The following LONP2 variants were observed in gnomAD, a reference collection of about 807,000 sequenced individuals.
The protein encoded by LONP2 is lon peptidase 2, peroxisomal.
LONP2 carries 60 observed loss-of-function variants against 85.6 expected under a neutral mutation model. That is an observed-to-expected ratio of 0.70 (90% confidence interval 0.57 to 0.87). The LOEUF (loss-of-function observed/expected upper bound fraction) is 0.87, where lower values mean the gene tolerates loss of function less well. Ranked by LOEUF, LONP2 falls within the 40% of genes least tolerant of loss-of-function variation. The pLI, the probability that LONP2 is intolerant of heterozygous loss-of-function variation, is 0.00. For synonymous variants in LONP2, 395 were observed against 389.7 expected (o/e 1.01, Z -0.16); for missense variants, 860 against 1,063.5 (o/e 0.81, Z 2.66).
chr16:48,265,580 G>A (rs1183705744), intron 6 of LONP2, among the ~76,000 whole-genome samples: 5 of 152,036 alleles, frequency 3.3e-5, no homozygotes, highest in African/African-American at 4.8e-5. Flanking sequence ...CCATTGGTCC[G>A]TGTGTCTGTT....
chr16:48,304,934 A>G (rs971730231), intron 11 of LONP2, among the ~76,000 whole-genome samples: 1 of 152,236 alleles, frequency 6.6e-6, no homozygotes, highest in Non-Finnish European at 1.5e-5. Context: ...TTAAAGAACC[A>G]TAATTTATGG....
At chr16:48,314,607 T>G (rs1973103249) in intron 11 of LONP2, among the ~76,000 whole-genome samples, 1 of 152,120 alleles carries the variant, frequency 6.6e-6, no homozygotes, top group Non-Finnish European at 1.5e-5. Flanking sequence ...AACAGACACA[T>G]AGACCAATAG....
At chr16:48,259,735 C>T (rs776601822) in intron 4 of LONP2, among the ~76,000 whole-genome samples, 108 of 152,078 alleles carry the variant, frequency 7.1e-4, no homozygotes, top group Non-Finnish European at 8.8e-4. Context: ...ATCATGCTGG[C>T]GATTAGTACT....
rs1396443209 is a variant in LONP2 at position 48,322,904 on chromosome 16, C to A, written c.1796-11312C>A. Among the ~76,000 whole-genome samples, 3 of 152,300 alleles carry A rather than the reference C, an allele frequency of 2.0e-5. No individual in the cohort carries two copies. In the East Asian group the frequency reaches 5.8e-4, roughly 29 times the overall value. On this transcript the variant is annotated intron_variant, in intron 11 of 14. Coordinates refer to ENST00000285737, the MANE Select transcript of LONP2 (RefSeq NM_031490.5). ...ACCACAAAGATTTGGGTAATGCATT[C>A]CATTGCCCTAACGGGGCTACAACAT...
At chr16:48,248,885 GAA>G (rs768247989) in intron 1 of LONP2, among the ~76,000 whole-genome samples, 12 of 91,378 alleles carry the variant, frequency 1.3e-4, no homozygotes, top group Non-Finnish European at 1.4e-4. Context: ...CTGTCTATAG[GAA>G]AAAAAAAAAA....
intron 6 of LONP2, among the ~76,000 whole-genome samples, chr16:48,266,050 C>G (rs113851047): frequency 0.064 from 9,722 of 152,108 alleles, 366 homozygotes; most frequent in Middle Eastern, 0.15. Flanking sequence ...GTCGCCCAGG[C>G]TGGAGTGCAG....
At chr16:48,244,767 A>G in intron 1 of LONP2, 146 bp downstream of exon 1, 1 of 494,694 alleles carries the variant, frequency 2.0e-6, no homozygotes, top group Non-Finnish European at 3.3e-6. Context: ...TATCACTTGC[A>G]AAATGGGGAT....
intron 10 of LONP2, among the ~76,000 whole-genome samples, chr16:48,300,565 C>G (rs1972782562): frequency 6.6e-6 from 1 of 152,178 alleles, no homozygotes; most frequent in African/African-American, 2.4e-5. Context: ...TTTCTAGTAA[C>G]TACTGTTTTT....
At chr16:48,319,174 G>A (rs1157102104) in intron 11 of LONP2, among the ~76,000 whole-genome samples, 1 of 152,096 alleles carries the variant, frequency 6.6e-6, no homozygotes, top group Non-Finnish European at 1.5e-5. Context: ...GAGGCCAGGA[G>A]TTCGAGACCA....
Position 48,270,526 on chromosome 16 carries a change from A to G in LONP2, c.1241+252A>G, listed in dbSNP as rs532510191. On this transcript the variant is annotated intron_variant, in intron 7 of 14. Coordinates refer to ENST00000285737, the MANE Select transcript of LONP2 (RefSeq NM_031490.5). ...CTCAACTTTCCTGGAATCTCATTTG[A>G]ATGTAATTATAAGTTATTTATGATT... Among the ~76,000 whole-genome samples, 10 of 152,258 alleles carry G rather than the reference A, an allele frequency of 6.6e-5. No homozygotes were observed. The East Asian group carries it at 1.9e-3, about 29-fold the overall frequency.
rs760703510 is a variant in LONP2, at chr16:48,277,502, T to C, written c.1383+23T>C. ...GAGGTAAGATTTGGAAAATTCCCTG[T>C]CTGTCTTCATACTGGAAGAGTATGG... On this transcript the variant is annotated intron_variant, in intron 8 of 14. Coordinates refer to ENST00000285737, the MANE Select transcript of LONP2 (RefSeq NM_031490.5). 5 of 1,609,810 alleles carry C rather than the reference T, an allele frequency of 3.1e-6. No homozygotes were observed. The East Asian group carries it at 1.1e-4, about 36-fold the overall frequency.
At chr16:48,348,559 A>T (rs937987962) in intron 14 of LONP2, among the ~76,000 whole-genome samples, 53 of 137,524 alleles carry the variant, frequency 3.9e-4, no homozygotes, top group African/African-American at 1.4e-3. Context: ...CAGTGGTGTG[A>T]CTGTAGCTCA....
chr16:48,244,338 A>C lies in LONP2; in HGVS notation c.-51A>C. On this transcript the variant is annotated 5_prime_UTR_variant, in exon 1 of 15. Coordinates refer to ENST00000285737, the MANE Select transcript of LONP2 (RefSeq NM_031490.5). The stretch of plus-strand genomic sequence containing the variant: ...GGTGACTGCGGGGCAGGCCGGGGGC[A>C]GCTGTCTGTCTGGCTCTTTTTGACA... The C allele has an allele frequency of 1.5e-6, 2 of 1,347,012 alleles. No individual in the cohort carries two copies. Among genetic ancestry groups the C allele is most frequent in the South Asian group, 2.9e-5 (2 of 69,786 alleles). The allele number at this position is 1,347,012 out of a possible 1,614,324, so 83.4% of individuals were successfully genotyped here. A position where few individuals can be genotyped will look rare whatever the true frequency, so the allele number is the denominator to read the frequency against.
At chr16:48,318,114 A>G (rs1340621159) in intron 11 of LONP2, among the ~76,000 whole-genome samples, 2 of 152,052 alleles carry the variant, frequency 1.3e-5, no homozygotes, top group African/African-American at 2.4e-5. Flanking sequence ...GATCAAAAGC[A>G]CTTGATTCTC....
intron 2 of LONP2, among the ~76,000 whole-genome samples, chr16:48,255,669 A>C (rs1255270586): frequency 6.6e-6 from 1 of 151,928 alleles, no homozygotes; most frequent in Non-Finnish European, 1.5e-5. Flanking sequence ...GGGCGGTGCC[A>C]GGTGTAGATA....
chr16:48,287,797 G>A (rs566299191), intron 8 of LONP2, among the ~76,000 whole-genome samples: 1 of 152,298 alleles, frequency 6.6e-6, no homozygotes, highest in Non-Finnish European at 1.5e-5. Flanking sequence ...TCAAATTGTT[G>A]CAAGTTAGTA....
intron 10 of LONP2, 72 bp from the exon 11 acceptor site, chr16:48,303,100 G>A: frequency 6.5e-7 from 1 of 1,542,902 alleles, no homozygotes; most frequent in South Asian, 1.2e-5. Context: ...TACCAAAAAT[G>A]TTAATCACAT....
In LONP2 at chr16:48,351,953, T is replaced by C; in HGVS notation, c.*151T>C. The C allele has an allele frequency of 1.6e-6, 1 of 625,804 alleles. No individual in the cohort carries two copies. Among genetic ancestry groups the C allele is most frequent in the South Asian group, 2.0e-5 (1 of 49,632 alleles). The allele number at this position is 625,804 out of a possible 1,614,324, so 38.8% of individuals were successfully genotyped here. ...AATAAACCTCAAGTAGTGGCTAGTG[T>C]TTAGTATAGAAATATAAGATGTTGA... On this transcript the variant is annotated 3_prime_UTR_variant, in exon 15 of 15. Coordinates refer to ENST00000285737, the MANE Select transcript of LONP2 (RefSeq NM_031490.5).
intron 4 of LONP2, 54 bp from the exon 5 acceptor site, chr16:48,261,370 T>C: frequency 7.2e-7 from 1 of 1,380,508 alleles, no homozygotes; most frequent in South Asian, 1.5e-5. Context: ...ACCTGGGTAC[T>C]TCGTTTCCAA....
Sources: gnomAD v4.1 joint callset for allele counts (sites outside exome capture counted in the v4.1 genomes callset) on GRCh38, gnomAD v4.1.1 for gene constraint, MANE v1.5 for transcripts, NCBI Gene and HGNC (gene_info 2026-07-23, HGNC 2026-07-21) for gene names.